The following LRRIQ4 variants were observed in gnomAD, a reference collection of about 807,000 sequenced individuals.
The protein encoded by LRRIQ4 is leucine rich repeats and IQ motif containing 4, also known as leucine-rich repeat and IQ domain-containing protein 4.
Under a neutral mutation model 40.1 loss-of-function variants are expected in LRRIQ4, and 21 were observed. That is an observed-to-expected ratio of 0.52 (90% CI 0.37 to 0.75). The LOEUF (loss-of-function observed/expected upper bound fraction) is 0.75, where lower values mean the gene tolerates loss of function less well. LRRIQ4 is among the 30% of genes least tolerant of loss of function. The pLI is 0.00. For missense variants in LRRIQ4, 655 were observed against 660.0 expected, an observed-to-expected ratio of 0.99 and a Z score of 0.08; for synonymous variants, 277 against 277.1, an observed-to-expected ratio of 1.00 and a Z score of 0.00.
intron 1 of LRRIQ4, among the ~76,000 whole-genome samples, chr3:169,820,355 C>T (rs1199054555): frequency 6.6e-6 from 1 of 150,884 alleles, no homozygotes; most frequent in Non-Finnish European, 1.5e-5. Flanking sequence ...ATTTATAAGC[C>T]TAGTAGTGTA....
At chr3:169,831,440 A>ATTTTTTTT (rs750864248) in intron 4 of LRRIQ4, among the ~76,000 whole-genome samples, 3 of 29,430 alleles carry the variant, frequency 1.0e-4, no homozygotes, top group African/African-American at 1.3e-4. Context: ...CGCCCGGCTA[A>ATTTTTTTT]TTTTTTTTTT....
chr3:169,827,579 C>G (rs1780068129), intron 2 of LRRIQ4, among the ~76,000 whole-genome samples: 1 of 135,280 alleles, frequency 7.4e-6, no homozygotes. Context: ...TGCACTCCAG[C>G]CTGGGCGGCA....
intron 4 of LRRIQ4, 109 bp downstream of exon 4, chr3:169,830,739 G>GAGAT: frequency 1.5e-6 from 2 of 1,345,762 alleles, no homozygotes; most frequent in Non-Finnish European, 2.0e-6. Context: ...TCAGAGAACT[G>GAGAT]AGTCTATCCC....
chr3:169,824,579 C>G (rs1382724986), intron 2 of LRRIQ4, among the ~76,000 whole-genome samples: 1 of 152,074 alleles, frequency 6.6e-6, no homozygotes, highest in Non-Finnish European at 1.5e-5. Flanking sequence ...GTGGTGCTAT[C>G]TTGGCTCACT....
chr3:169,813,350 A>G (rs1311352716), intron 1 of LRRIQ4, among the ~76,000 whole-genome samples: 1 of 152,240 alleles, frequency 6.6e-6, no homozygotes, highest in Non-Finnish European at 1.5e-5. Flanking sequence ...GTTGGTCAAC[A>G]GGAATCAGGT....
In LRRIQ4 at chr3:169,822,283, G is replaced by C. The variant is rs751063495; in HGVS notation, c.362G>C (p.Arg121Pro). The C allele has an allele frequency of 3.7e-6, 6 of 1,613,076 alleles. No homozygotes were observed. The South Asian group carries it at 6.6e-5, about 18-fold the overall frequency. The change falls in exon 2 of 6, where the codon CGC (arginine) becomes CCC (proline). Residue 121 changes from arginine to proline, a missense_variant. Physicochemically the swap from Arg to Pro is moderately radical, Grantham distance 103. Transcript: ENST00000340806. Reference protein sequence around the residue: ...LVVVSFLHALRELRLYQTDLK... With the variant: ...LVVVSFLHALPELRLYQTDLK... ...GTTGTCAGCTTCCTCCACGCCCTGC[G>C]CGAGCTCCGGCTCTACCAGACCGAC...
intron 1 of LRRIQ4, among the ~76,000 whole-genome samples, chr3:169,821,316 A>C (rs1779882657): frequency 6.6e-6 from 1 of 152,024 alleles, no homozygotes; most frequent in South Asian, 2.1e-4. Context: ...TCCTACTGGA[A>C]ACATTCAGAA....
chr3:169,814,765 G>T (rs1430570120), intron 1 of LRRIQ4, among the ~76,000 whole-genome samples: 1 of 152,180 alleles, frequency 6.6e-6, no homozygotes, highest in Non-Finnish European at 1.5e-5. Flanking sequence ...GATTACAGGC[G>T]TGAGGCACTA....
chr3:169,827,798 A>G (rs894535475), intron 2 of LRRIQ4, among the ~76,000 whole-genome samples: 1 of 152,122 alleles, frequency 6.6e-6, no homozygotes, highest in African/African-American at 2.4e-5. Flanking sequence ...ATAAAACTGG[A>G]TGGCTCGCTA....
rs1779946797 is a variant in LRRIQ4 at position 169,822,902 on chromosome 3, C to A, written c.981C>A (p.Asn327Lys). ...CGCTGCAGATCTGTGCACTGAAGAACCTTGAAGTCCTGGGACTGGATGACA... is the reference window on the plus strand; with the variant it reads ...CGCTGCAGATCTGTGCACTGAAGAAACTTGAAGTCCTGGGACTGGATGACA... ...HCPLQICALKNLEVLGLDDNK... is the reference protein window; with the variant it reads ...HCPLQICALKKLEVLGLDDNK... Residue 327 changes from asparagine to lysine, a missense_variant, in exon 2 of 6, where the codon AAC becomes AAA. Asn to Lys is a moderately conservative substitution (Grantham distance 94). Coordinates refer to ENST00000340806, the MANE Select transcript of LRRIQ4 (RefSeq NM_001080460.3). The A allele has an allele frequency of 1.3e-6, 2 of 1,561,610 alleles. No homozygotes were observed. The highest frequency in any genetic ancestry group is 1.7e-6 in the Non-Finnish European group (2 of 1,157,276).
At chr3:169,831,734 C>A (rs1020191265) in intron 4 of LRRIQ4, among the ~76,000 whole-genome samples, 3 of 151,100 alleles carry the variant, frequency 2.0e-5, no homozygotes, top group Non-Finnish European at 4.4e-5. Flanking sequence ...TTTGGGACGC[C>A]GAGGAGGGCA....
intron 1 of LRRIQ4, among the ~76,000 whole-genome samples, chr3:169,818,772 A>G (rs116284407): frequency 0.016 from 2,383 of 152,308 alleles, 66 homozygotes; most frequent in African/African-American, 0.054. Context: ...GTGATTCACC[A>G]GTTTTTAGAA....
At chr3:169,832,612 A>G (rs1007185036) in intron 4 of LRRIQ4, among the ~76,000 whole-genome samples, 3 of 148,764 alleles carry the variant, frequency 2.0e-5, no homozygotes, top group Non-Finnish European at 3.0e-5. Context: ...AGCCTGGGCA[A>G]CAAAGTGAGA....
At chr3:169,834,238 T>G (rs1324923005) in intron 5 of LRRIQ4, among the ~76,000 whole-genome samples, 1 of 152,182 alleles carries the variant, frequency 6.6e-6, no homozygotes, top group Non-Finnish European at 1.5e-5. Flanking sequence ...GGTGCGTGCC[T>G]GTAATCCCAG....
chr3:169,824,630 A>T (rs953331275), intron 2 of LRRIQ4, among the ~76,000 whole-genome samples: 2 of 152,068 alleles, frequency 1.3e-5, no homozygotes, highest in African/African-American at 4.8e-5. Context: ...CTCCTGCCTC[A>T]GCCTCCCAAG....
chr3:169,824,448 G>A (rs968780972), intron 2 of LRRIQ4, among the ~76,000 whole-genome samples: 6 of 151,976 alleles, frequency 3.9e-5, no homozygotes, highest in East Asian at 3.8e-4. Context: ...TTGGGCACGC[G>A]TGGGTTTATG....
intron 1 of LRRIQ4, among the ~76,000 whole-genome samples, chr3:169,815,278 C>A (rs1268595662): frequency 6.6e-6 from 1 of 152,052 alleles, no homozygotes; most frequent in African/African-American, 2.4e-5. Flanking sequence ...CATAAAATAT[C>A]TTTCCTTTTT....
chr3:169,825,006 ATCT>A (rs1407598129), intron 2 of LRRIQ4, among the ~76,000 whole-genome samples: 3 of 132,952 alleles, frequency 2.3e-5, no homozygotes, highest in African/African-American at 9.1e-5. Flanking sequence ...ATTTTTAAAA[ATCT>A]TTTTTTTTTT....
At position 169,835,725 on chromosome 3, in the gene LRRIQ4, A is replaced by T. The variant is rs76039530; in HGVS notation, c.1531-1754A>T. Among the ~76,000 whole-genome samples, 215 of 152,228 alleles carry T rather than the reference A, an allele frequency of 1.4e-3. 1 individual carries two copies. The East Asian group carries it at 0.037, about 27-fold the overall frequency. On this transcript the variant is annotated intron_variant, in intron 5 of 5. Transcript: ENST00000340806. The stretch of plus-strand genomic sequence containing the variant: ...GAGCAGTGCTGTTCCCTGGATCCCG[A>T]TTGGTCTGCTGTTTTCACTCCCCAT...
Sources: gnomAD v4.1 joint callset for allele counts (sites outside exome capture counted in the v4.1 genomes callset) on GRCh38, gnomAD v4.1.1 for gene constraint, MANE v1.5 for transcripts, NCBI Gene and HGNC (gene_info 2026-07-23, HGNC 2026-07-21) for gene names.